The following WDFY4 variants were observed in gnomAD, a reference collection of about 807,000 sequenced individuals.
The protein encoded by WDFY4 is WD repeat- and FYVE domain-containing protein 4.
In WDFY4, 169 loss-of-function variants were observed where a neutral mutation model predicts 351.9. The observed-to-expected ratio is 0.48, with a 90% CI of 0.42 to 0.55. The LOEUF is 0.55. Among genes scored for constraint, WDFY4 ranks in the 20% least tolerant of loss-of-function variants. WDFY4 has a pLI of 0.00. For missense variants in WDFY4, 3,803 were observed against 3,935.6 expected (o/e 0.97, Z 0.90); for synonymous variants, 1,622 against 1,574.6 (o/e 1.03, Z -0.71).
At chr10:48,885,935 A>C (rs997378084) in intron 43 of WDFY4, among the ~76,000 whole-genome samples, 1 of 152,138 alleles carries the variant, frequency 6.6e-6, no homozygotes, top group African/African-American at 2.4e-5. Flanking sequence ...TTTCTCAGCA[A>C]TCTGTGCTTT....
chr10:48,925,977 C>T (rs1317005022), intron 47 of WDFY4, among the ~76,000 whole-genome samples: 2 of 152,096 alleles, frequency 1.3e-5, no homozygotes, highest in Non-Finnish European at 2.9e-5. Flanking sequence ...GTGACTTCCC[C>T]AAAGTCACAC....
Position 48,897,580 on chromosome 10 carries a change from C to G in WDFY4, c.7437+6C>G, listed in dbSNP as rs1427473797. On this transcript the variant is annotated splice_donor_region_variant and intron_variant, in intron 45 of 61. Coordinates refer to ENST00000325239, the MANE Select transcript of WDFY4 (RefSeq NM_001394531.1). ...AGGCTCGCTTCCTCCTGCAGGTAAG[C>G]ACACTGGGTGCTGGCACGCCTGGGG... The G allele has an allele frequency of 2.6e-6, 4 of 1,544,698 alleles. No homozygotes were observed. The highest frequency in any genetic ancestry group is 1.7e-4 in the Middle Eastern group (1 of 5,988).
chr10:48,772,517 CTT>C (rs10672319), intron 13 of WDFY4, among the ~76,000 whole-genome samples: 5 of 70,616 alleles, frequency 7.1e-5, no homozygotes, highest in Non-Finnish European at 8.1e-5. Context: ...GAGGGCAGTT[CTT>C]TTTTTTTTTT....
At chr10:48,937,645 AG>A (rs577571301) in intron 47 of WDFY4, among the ~76,000 whole-genome samples, 64 of 152,356 alleles carry the variant, frequency 4.2e-4, no homozygotes, top group Admixed American at 1.6e-3. Context: ...TAAACAATTA[AG>A]TGTTATTATT....
intron 13 of WDFY4, among the ~76,000 whole-genome samples, chr10:48,768,723 A>AGAGAGAGAGAG (rs1555000834): frequency 1.3e-4 from 18 of 140,978 alleles, no homozygotes; most frequent in African/African-American, 4.3e-4. Flanking sequence ...GGGAGAGGAG[A>AGAGAGAGAGAG]AGAGAGAGAG....
chr10:48,750,386 C>T (rs1283018065), intron 12 of WDFY4, among the ~76,000 whole-genome samples: 7 of 152,224 alleles, frequency 4.6e-5, no homozygotes, highest in Non-Finnish European at 8.8e-5. Context: ...CTGCCCATGG[C>T]ATGCAGCCAT....
intron 56 of WDFY4, among the ~76,000 whole-genome samples, chr10:48,969,548 G>A (rs192438109): frequency 2.4e-4 from 36 of 152,240 alleles, no homozygotes; most frequent in Middle Eastern, 6.8e-3. Flanking sequence ...GTGTAGGAGG[G>A]AAGTCCTGGG....
intron 43 of WDFY4, among the ~76,000 whole-genome samples, chr10:48,877,586 C>T (rs1031742659): frequency 2.6e-5 from 4 of 152,242 alleles, no homozygotes; most frequent in Non-Finnish European, 4.4e-5. Context: ...GGTCCCACAC[C>T]TTGAGGGGTC....
chr10:48,739,159 C>T (rs181088438), intron 11 of WDFY4, among the ~76,000 whole-genome samples: 53 of 152,300 alleles, frequency 3.5e-4, no homozygotes, highest in African/African-American at 1.2e-3. Context: ...GGTATTCCAC[C>T]ATGACACATG....
intron 12 of WDFY4, among the ~76,000 whole-genome samples, chr10:48,759,756 A>G (rs1006672018): frequency 1.3e-5 from 2 of 152,132 alleles, no homozygotes; most frequent in Non-Finnish European, 2.9e-5. Context: ...GTTTTAGGCT[A>G]CCTGTGAGTT....
intron 57 of WDFY4, among the ~76,000 whole-genome samples, chr10:48,973,397 G>C (rs967479738): frequency 6.6e-6 from 1 of 152,156 alleles, no homozygotes; most frequent in African/African-American, 2.4e-5. Context: ...TCTGGTTGGC[G>C]TCATGTTAGG....
At chr10:48,876,811 A>T (rs1276172101) in intron 42 of WDFY4, among the ~76,000 whole-genome samples, 1 of 152,220 alleles carries the variant, frequency 6.6e-6, no homozygotes, top group Non-Finnish European at 1.5e-5. Flanking sequence ...TGGGCCCTCC[A>T]GGATAAGTCA....
At chr10:48,938,220 G>T (rs1400335699) in intron 47 of WDFY4, among the ~76,000 whole-genome samples, 3 of 152,216 alleles carry the variant, frequency 2.0e-5, no homozygotes, top group African/African-American at 7.2e-5. Context: ...GGAGAATTTG[G>T]AGAGGCAGCA....
intron 44 of WDFY4, among the ~76,000 whole-genome samples, chr10:48,895,591 G>A (rs1837036524): frequency 6.6e-6 from 1 of 152,218 alleles, no homozygotes; most frequent in Non-Finnish European, 1.5e-5. Flanking sequence ...GTTCAGAAAT[G>A]TAACTGTCTA....
At chr10:48,798,704 A>G (rs79261127) in intron 24 of WDFY4, among the ~76,000 whole-genome samples, 6,732 of 152,280 alleles carry the variant, frequency 0.044, 514 homozygotes, top group African/African-American at 0.15. Flanking sequence ...GGGAAATTCC[A>G]CCAGTCAGGA....
In WDFY4 at chr10:48,685,321, C is replaced by T. The variant is rs77603300; in HGVS notation, c.-18+320C>T. ...TCTGACGGTAGGTCAAGTCCTTTCT[C>T]GGGGTCCTGCTATGAAGGGAACCCT... On this transcript the variant is annotated intron_variant, in intron 1 of 61. Transcript: ENST00000325239. Among the ~76,000 whole-genome samples the T allele has an allele frequency of 6.8e-3, 1,042 of 152,308 alleles. 12 individuals are homozygous for T. Among genetic ancestry groups the T allele is most frequent in the African/African-American group, 0.023 (962 of 41,572 alleles).
intron 47 of WDFY4, among the ~76,000 whole-genome samples, chr10:48,939,015 G>A (rs1564512729): frequency 6.6e-6 from 1 of 152,106 alleles, no homozygotes; most frequent in African/African-American, 2.4e-5. Context: ...ACCCCAAGTT[G>A]CCCACAGGCC....
chr10:48,797,159 T>A (rs2066903803), intron 24 of WDFY4, among the ~76,000 whole-genome samples: 1 of 151,956 alleles, frequency 6.6e-6, no homozygotes, highest in South Asian at 2.1e-4. Flanking sequence ...CCAGGTGGAG[T>A]GTATATGCTA....
rs1048220564 is a variant in WDFY4, at chr10:48,941,765, C to G, written c.7587-41C>G. 4.5e-6 allele frequency: 7 copies of G among 1,549,640 alleles called. No homozygotes were observed. The East Asian group carries it at 1.7e-4, about 38-fold the overall frequency. On this transcript the variant is annotated intron_variant, in intron 47 of 61. Transcript: ENST00000325239. ...ACCTCTCCCCTGTTTGTATTCTTGC[C>G]TTGGTATATTTAGTCACCACCTTGG... is the stretch of plus-strand genomic sequence containing the variant.
Sources: allele counts gnomAD v4.1 joint callset (sites outside exome capture counted in the v4.1 genomes callset), GRCh38; gene constraint gnomAD v4.1.1; transcripts MANE v1.5; gene names NCBI Gene and HGNC (gene_info 2026-07-23, HGNC 2026-07-21).